Variants in LSS observed in about 807,000 individuals in gnomAD.
LSS encodes the protein 2,3-epoxysqualene-lanosterol cyclase.
Under a neutral mutation model 110.3 loss-of-function variants are expected in LSS, and 90 were observed. The observed-to-expected ratio is 0.82, with a 90% CI of 0.69 to 0.97. The LOEUF (loss-of-function observed/expected upper bound fraction) is 0.97. LSS is among the 50% of genes least tolerant of loss of function. The pLI, the probability that LSS is intolerant of heterozygous loss-of-function variation, is 0.00. For synonymous variants in LSS, 433 were observed against 400.0 expected (o/e 1.08, Z -0.98); for missense variants, 927 against 990.0 (o/e 0.94, Z 0.85).
intron 3 of LSS, among the ~76,000 whole-genome samples, chr21:46,227,012 C>A (rs1485985854): frequency 6.6e-6 from 1 of 152,188 alleles, no homozygotes; most frequent in Non-Finnish European, 1.5e-5. Context: ...AGGGAATTTC[C>A]CATTTTACAA....
Position 46,208,313 on chromosome 21 carries a change from C to T in LSS, c.1267-12G>A, listed in dbSNP as rs1480306657. ...GGGTTATCTGGGACCTGGGCAGCAT[C>T]GAGGGCAAATGTGGAAGCAGAGAAC... On this transcript the variant is annotated splice_polypyrimidine_tract_variant and intron_variant, in intron 13 of 21. Transcript: ENST00000397728. 8 of 1,552,228 alleles carry T rather than the reference C, an allele frequency of 5.2e-6. No individual in the cohort carries two copies. In the Admixed American group the frequency reaches 5.9e-5, roughly 11 times the overall value.
At chr21:46,218,727 C>CTT (rs550015362) in intron 6 of LSS, among the ~76,000 whole-genome samples, 39 of 137,072 alleles carry the variant, frequency 2.8e-4, no homozygotes, top group African/African-American at 6.0e-4. Context: ...AAACACTGAT[C>CTT]TTTTTTTTTT....
rs1176834343 is a variant in LSS at position 46,209,010 on chromosome 21, C to T, written c.1266+544G>A. On this transcript the variant is annotated intron_variant, in intron 13 of 21. Coordinates refer to ENST00000397728, the MANE Select transcript of LSS (RefSeq NM_002340.6). This position sits in a 1 kb window ranked among gnomAD's most constrained non-coding sequence, Gnocchi z 4.4. ...TGGCCGGGACAGGGTGTGGGAGACA[C>T]GGGAGGTTGGGGCGCATGTATGGGA... is the stretch of plus-strand genomic sequence containing the variant. Among the ~76,000 whole-genome samples the T allele has an allele frequency of 6.6e-6, 1 of 152,096 alleles. No homozygotes were observed. Among genetic ancestry groups the T allele is most frequent in the East Asian group, 1.9e-4 (1 of 5,186 alleles).
chr21:46,207,894 C>T (rs149393905), intron 14 of LSS, among the ~76,000 whole-genome samples: 29 of 152,364 alleles, frequency 1.9e-4, no homozygotes, highest in African/African-American at 7.0e-4. Context: ...CCTAATTTCA[C>T]AGTCTGCACC....
At chr21:46,214,961 G>A (rs146203612) in intron 9 of LSS, among the ~76,000 whole-genome samples, 1 of 152,044 alleles carries the variant, frequency 6.6e-6, no homozygotes, top group African/African-American at 2.4e-5. Flanking sequence ...GGACGGAAGC[G>A]GGGGGTCGAG....
intron 3 of LSS, chr21:46,225,192 T>C (rs892640488): frequency 4.7e-6 from 1 of 212,344 alleles, no homozygotes; most frequent in African/African-American, 2.3e-5. Context: ...AATATTATAA[T>C]AATCCTCGCT....
chr21:46,206,537 G>A (rs2080050521), intron 16 of LSS, 135 bp downstream of exon 16: 2 of 725,298 alleles, frequency 2.8e-6, no homozygotes, highest in South Asian at 3.2e-5. Flanking sequence ...GCTGAGGGAG[G>A]GCTCCAGACA....
Position 46,216,948 on chromosome 21 carries a change from G to A in LSS, c.648-424C>T, listed in dbSNP as rs939691652. The stretch of plus-strand genomic sequence containing the variant: ...AAATTTAAAGTTTACTTTTAAAAGT[G>A]TATTTAAGAAACTTTAGGAGGGGCA... On this transcript the variant is annotated intron_variant, in intron 6 of 21. Coordinates refer to ENST00000397728, the MANE Select transcript of LSS (RefSeq NM_002340.6). This position sits in a 1 kb window ranked among gnomAD's most constrained non-coding sequence, Gnocchi z 4.2. 6.6e-6 allele frequency among the ~76,000 whole-genome samples: 1 copy of A among 152,062 alleles called. No individual in the cohort carries two copies. The highest frequency in any genetic ancestry group is 2.4e-5 in the African/African-American group (1 of 41,406).
chr21:46,219,380 T>A, intron 6 of LSS, 96 bp downstream of exon 6: 262 of 629,936 alleles, frequency 4.2e-4, no homozygotes, highest in East Asian at 7.8e-4. Flanking sequence ...CCCACCCCTC[T>A]CTGCTGTCAC....
At chr21:46,194,460 C>G (rs1435772757) in intron 20 of LSS, 31 bp downstream of exon 20, 2 of 1,610,516 alleles carry the variant, frequency 1.2e-6, no homozygotes, top group African/African-American at 1.3e-5. Context: ...TACCCAAACC[C>G]AAGGCTCAGG....
rs914078336 is a variant in LSS at position 46,191,021 on chromosome 21, G to C, written c.*83C>G. The C allele has an allele frequency of 6.5e-7, 1 of 1,540,398 alleles. No homozygotes were observed. Among genetic ancestry groups the C allele is most frequent in the Non-Finnish European group, 8.9e-7 (1 of 1,125,230 alleles). ...TTGAGGGGTTGGAGCCCAAGACAGG[G>C]TTATGGGAGGGCTCCCCAACCCGGC... On this transcript the variant is annotated 3_prime_UTR_variant, in exon 22 of 22. Coordinates refer to ENST00000397728, the MANE Select transcript of LSS (RefSeq NM_002340.6).
At chr21:46,226,399 T>C (rs903528793) in intron 3 of LSS, among the ~76,000 whole-genome samples, 6 of 152,116 alleles carry the variant, frequency 3.9e-5, no homozygotes, top group African/African-American at 1.4e-4. Flanking sequence ...CTGAGAACAG[T>C]CTAAACAGGC....
intron 11 of LSS, 78 bp from the exon 12 acceptor site, chr21:46,210,822 C>A: frequency 3.6e-6 from 5 of 1,391,984 alleles, no homozygotes; most frequent in Non-Finnish European, 5.1e-6. Flanking sequence ...ATCCAATGGG[C>A]GCCTGAGGGC....
intron 16 of LSS, 59 bp downstream of exon 16, chr21:46,206,613 T>C: frequency 2.8e-6 from 4 of 1,428,280 alleles, no homozygotes; most frequent in Non-Finnish European, 3.9e-6. Flanking sequence ...CCCAGGTTTG[T>C]GTACCACAGT....
intron 3 of LSS, among the ~76,000 whole-genome samples, chr21:46,223,019 A>G (rs2080296656): frequency 2.6e-5 from 4 of 152,166 alleles, no homozygotes; most frequent in Admixed American, 1.3e-4. Context: ...GAAACACCAG[A>G]CACTGCACAG....
intron 20 of LSS, chr21:46,193,507 C>A: frequency 4.6e-6 from 2 of 431,130 alleles, no homozygotes; most frequent in Non-Finnish European, 4.6e-6. Flanking sequence ...TGTGCACAGA[C>A]CTGTGTGTGC....
intron 2 of LSS, among the ~76,000 whole-genome samples, chr21:46,228,172 T>G (rs1179026533): frequency 1.3e-5 from 2 of 152,252 alleles, no homozygotes; most frequent in Non-Finnish European, 2.9e-5. Context: ...AAGTTACAAC[T>G]ATCTTTGCAA....
In LSS at chr21:46,195,696, C is replaced by A. The variant is rs140469889; in HGVS notation, c.1797G>T (p.Met599Ile). The A allele has an allele frequency of 3.7e-6, 6 of 1,613,714 alleles. No individual in the cohort carries two copies. In the African/African-American group the frequency reaches 5.3e-5, roughly 14 times the overall value. ...CTCACCCATCTCGGTAGGTCTGCCC[C>A]ATACAGGCGAAGGCCTCCAGGCCAA... ...TWFGLEAFAC[M>I]GQTYRDGTAC... The change falls in exon 19 of 22, where the codon ATG (methionine) becomes ATT (isoleucine). Residue 599 changes from methionine (M) to isoleucine (I), a missense_variant. Met to Ile is a conservative substitution (Grantham distance 10). Coordinates refer to ENST00000397728, the MANE Select transcript of LSS (RefSeq NM_002340.6).
intron 8 of LSS, 127 bp downstream of exon 8, chr21:46,215,558 C>T (rs1422716062): frequency 1.3e-5 from 9 of 685,878 alleles, no homozygotes; most frequent in South Asian, 1.9e-5. Context: ...GATGAGATCC[C>T]GCCCCCTGGG....
Sources: allele counts gnomAD v4.1 joint callset (sites outside exome capture counted in the v4.1 genomes callset), GRCh38; gene constraint gnomAD v4.1.1; non-coding constraint Gnocchi (gnomAD v3.1); transcripts MANE v1.5; gene names NCBI Gene and HGNC (gene_info 2026-07-23, HGNC 2026-07-21).